The following SLIT1 variants were observed in gnomAD, a reference collection of about 807,000 sequenced individuals.
SLIT1 encodes the protein slit guidance ligand 1.
A neutral mutation model predicts 186.1 loss-of-function variants in SLIT1; 66 were observed. The ratio of observed to expected loss-of-function variants is 0.35; its 90% CI spans 0.29 to 0.44. The LOEUF is 0.44. Ranked by LOEUF, SLIT1 falls within the 20% of genes least tolerant of loss-of-function variation. The pLI, the probability that SLIT1 is intolerant of heterozygous loss-of-function variation, is 1.00. For synonymous variants in SLIT1, 761 were observed against 833.8 expected, an observed-to-expected ratio of 0.91 and a Z score of 1.50; for missense variants, 1,638 against 2,037.4, an observed-to-expected ratio of 0.80 and a Z score of 3.77.
chr10:97,057,372 CCCCTAAGCCATTTA>C (rs1177639559), intron 11 of SLIT1, 91 bp from the exon 12 acceptor site: 38 of 953,656 alleles, frequency 4.0e-5, no homozygotes, highest in Non-Finnish European at 6.3e-5. Context: ...AACAGCGCTG[CCCCTAAGCCATTTA>C]CATGGAGCAC....
intron 30 of SLIT1, 145 bp from the exon 31 acceptor site, chr10:97,011,275 G>A (rs1848408368): frequency 1.6e-6 from 1 of 639,386 alleles, no homozygotes; most frequent in South Asian, 1.9e-5. Flanking sequence ...TCTCCAGGAG[G>A]TCACACAGAG....
At chr10:97,042,170 G>C (rs1230006506) in intron 20 of SLIT1, among the ~76,000 whole-genome samples, 1 of 152,090 alleles carries the variant, frequency 6.6e-6, no homozygotes, top group Non-Finnish European at 1.5e-5. Context: ...GCCAGCTGAG[G>C]GTGGAGCTGC....
intron 4 of SLIT1, among the ~76,000 whole-genome samples, chr10:97,094,280 A>G (rs1564673960): frequency 6.6e-6 from 1 of 152,238 alleles, no homozygotes; most frequent in Non-Finnish European, 1.5e-5. Flanking sequence ...AGAAAAAGGC[A>G]TCCCTTCTTC....
intron 4 of SLIT1, chr10:97,157,488 TG>T (rs1448723658): frequency 6.2e-6 from 2 of 321,808 alleles, no homozygotes; most frequent in Non-Finnish European, 1.1e-5. Flanking sequence ...CGCAGTGAGA[TG>T]GGTAAGAATG....
intron 4 of SLIT1, among the ~76,000 whole-genome samples, chr10:97,137,087 T>C (rs779030478): frequency 1.3e-5 from 2 of 152,234 alleles, no homozygotes; most frequent in Admixed American, 6.5e-5. Flanking sequence ...TGTTTGCAGA[T>C]TTGACCACAA....
intron 24 of SLIT1, among the ~76,000 whole-genome samples, chr10:97,031,253 C>T (rs1848588290): frequency 6.6e-6 from 1 of 152,198 alleles, no homozygotes; most frequent in Admixed American, 6.5e-5. Flanking sequence ...GGGCAAAAAC[C>T]TCACAGTGAG....
intron 21 of SLIT1, among the ~76,000 whole-genome samples, chr10:97,039,423 G>A (rs962402662): frequency 6.6e-6 from 1 of 152,150 alleles, no homozygotes; most frequent in Non-Finnish European, 1.5e-5. Flanking sequence ...CTTCTCACAT[G>A]GTCAATGGGA....
At chr10:97,182,237 T>C (rs918032598) in intron 1 of SLIT1, among the ~76,000 whole-genome samples, 2 of 152,214 alleles carry the variant, frequency 1.3e-5, no homozygotes, top group Admixed American at 6.5e-5. Flanking sequence ...TGACCATTTC[T>C]TTCCATTTCG....
At chr10:97,035,086 T>C (rs553204779) in intron 22 of SLIT1, among the ~76,000 whole-genome samples, 3 of 152,116 alleles carry the variant, frequency 2.0e-5, no homozygotes, top group African/African-American at 7.2e-5. Flanking sequence ...TGCCATGGCC[T>C]CTCCGAGTCA....
chr10:97,002,115 T>G, intron 36 of SLIT1, 43 bp downstream of exon 36: 3 of 1,289,386 alleles, frequency 2.3e-6, no homozygotes, highest in Non-Finnish European at 3.1e-6. Context: ...AAGCAATTTG[T>G]GGGGGACCCT....
At chr10:97,120,916 G>C (rs916876956) in intron 4 of SLIT1, among the ~76,000 whole-genome samples, 9 of 152,060 alleles carry the variant, frequency 5.9e-5, no homozygotes, top group African/African-American at 1.9e-4. Context: ...CACATAGAAG[G>C]GTTCATTCAA....
chr10:97,164,693 G>C, intron 2 of SLIT1, 126 bp downstream of exon 2: 1 of 738,554 alleles, frequency 1.4e-6, no homozygotes, highest in Non-Finnish European at 2.4e-6. Context: ...AGGATGTCTT[G>C]CCAAGACTGA....
chr10:97,020,166 T>C (rs1848490084), intron 26 of SLIT1, among the ~76,000 whole-genome samples: 1 of 151,566 alleles, frequency 6.6e-6, no homozygotes, highest in South Asian at 2.1e-4. Flanking sequence ...AGCAACAGGG[T>C]CTCTCCATGT....
At chr10:97,066,421 G>T (rs971111299) in intron 4 of SLIT1, among the ~76,000 whole-genome samples, 4 of 152,168 alleles carry the variant, frequency 2.6e-5, no homozygotes, top group Non-Finnish European at 5.9e-5. Flanking sequence ...ATGTAGTTTG[G>T]ATATTTGGCC....
intron 4 of SLIT1, among the ~76,000 whole-genome samples, chr10:97,135,775 G>A (rs967473128): frequency 3.3e-5 from 5 of 152,334 alleles, no homozygotes; most frequent in Non-Finnish European, 5.9e-5. Context: ...TCCCGTTTCC[G>A]AAAAGGACAA....
At chr10:97,040,876 C>A (rs539926985) in intron 20 of SLIT1, among the ~76,000 whole-genome samples, 12 of 152,328 alleles carry the variant, frequency 7.9e-5, no homozygotes, top group African/African-American at 2.9e-4. Context: ...CACTGGGATG[C>A]TGGTAGCACA....
At chr10:97,095,438 C>A (rs1051216503) in intron 4 of SLIT1, among the ~76,000 whole-genome samples, 1 of 152,210 alleles carries the variant, frequency 6.6e-6, no homozygotes, top group African/African-American at 2.4e-5. Context: ...CTTCCCAGGG[C>A]CTTCCACACC....
rs189855977 is a variant in SLIT1, at chr10:97,095,455, G to T, written c.414-29369C>A. On this transcript the variant is annotated intron_variant, in intron 4 of 36. Transcript: ENST00000266058. ...TCCCAGGGCCTTCCACACCCATTTT[G>T]CACCTTGCTTCCTTGCACAGCTTCA... 3.9e-5 allele frequency among the ~76,000 whole-genome samples: 6 copies of T among 152,250 alleles called. No homozygotes were observed. The South Asian group carries it at 1.0e-3, about 26-fold the overall frequency.
intron 4 of SLIT1, among the ~76,000 whole-genome samples, chr10:97,131,871 G>A (rs1049941912): frequency 6.6e-6 from 1 of 152,152 alleles, no homozygotes; most frequent in Non-Finnish European, 1.5e-5. Flanking sequence ...CTAAGTATCC[G>A]CATGCTGCCA....
Sources: gnomAD v4.1 joint callset for allele counts (sites outside exome capture counted in the v4.1 genomes callset) on GRCh38, gnomAD v4.1.1 for gene constraint, MANE v1.5 for transcripts, NCBI Gene and HGNC (gene_info 2026-07-23, HGNC 2026-07-21) for gene names.